The following PSPC1 variants were observed in gnomAD, a reference collection of about 807,000 sequenced individuals.
PSPC1 encodes paraspeckle component 1, also known as paraspeckle protein 1.
A neutral mutation model predicts 51.6 loss-of-function variants in PSPC1; 14 were observed. The observed-to-expected ratio is 0.27, with a 90% confidence interval of 0.18 to 0.42. The LOEUF is 0.42. Ranked by LOEUF, PSPC1 falls within the 10% of genes least tolerant of loss-of-function variation. The pLI is 1.00. For missense variants in PSPC1, 406 were observed against 701.1 expected, an observed-to-expected ratio of 0.58 and a Z score of 4.75; for synonymous variants, 193 against 231.9, an observed-to-expected ratio of 0.83 and a Z score of 1.53.
chr13:19,713,773 A>C (rs927947572), intron 6 of PSPC1, among the ~76,000 whole-genome samples: 5 of 152,194 alleles, frequency 3.3e-5, no homozygotes, highest in African/African-American at 1.2e-4. Flanking sequence ...GCATTCCATC[A>C]TTGCAGCGGT....
chr13:19,694,524 T>G lies in PSPC1; in HGVS notation c.1159-16701A>C, dbSNP rs143857834. Reference sequence around the variant, plus strand: ...GAGAAATTTTACATTCTTTTCTTCGTAAGTCTGCAAATCTAATTCAGATGC... The same window carrying G: ...GAGAAATTTTACATTCTTTTCTTCGGAAGTCTGCAAATCTAATTCAGATGC... On this transcript the variant is annotated intron_variant and NMD_transcript_variant, in intron 6 of 7. Transcript: ENST00000471658. Among the ~76,000 whole-genome samples the G allele has an allele frequency of 3.9e-3, 590 of 152,340 alleles. 4 individuals are homozygous for G. Among genetic ancestry groups the G allele is most frequent in the South Asian group, 8.5e-3 (41 of 4,830 alleles).
intron 4 of PSPC1, among the ~76,000 whole-genome samples, chr13:19,749,209 G>A (rs1886285738): frequency 6.6e-6 from 1 of 152,116 alleles, no homozygotes; most frequent in Admixed American, 6.6e-5. Flanking sequence ...TTAGCCGAGT[G>A]TAGAGGCATA....
rs1184204944 is a variant in PSPC1, at chr13:19,753,283, C to CAA, written c.771-1818_771-1817dup. On this transcript the variant is annotated intron_variant, in intron 3 of 8. Coordinates refer to ENST00000338910, the MANE Select transcript of PSPC1 (RefSeq NM_001354909.2). Reference sequence around the variant, plus strand: ...GGGCAACAAGAGCAAGACTCCATCTCAAAAAAAAAAAAAAAAAAAAGGCTC... The same window carrying CAA: ...GGGCAACAAGAGCAAGACTCCATCTCAAAAAAAAAAAAAAAAAAAAAAGGCTC... 7.4e-3 allele frequency among the ~76,000 whole-genome samples: 475 copies of CAA among 64,284 alleles called. 12 individuals carry two copies. The highest frequency in any genetic ancestry group is 0.036 in the Middle Eastern group (4 of 112). The allele number at this position is 64,284 out of a possible 152,430, so 42.2% of individuals were successfully genotyped here. A position where few individuals can be genotyped will look rare whatever the true frequency, so the allele number is the denominator to read the frequency against.
At chr13:19,717,372 C>A (rs1786786510) in intron 6 of PSPC1, among the ~76,000 whole-genome samples, 1 of 150,872 alleles carries the variant, frequency 6.6e-6, no homozygotes, top group Admixed American at 6.6e-5. Context: ...TAGGGACCAG[C>A]CTGGCCAACA....
downstream of PSPC1, among the ~76,000 whole-genome samples, chr13:19,699,864 A>T (rs990907942): frequency 6.6e-6 from 1 of 152,012 alleles, no homozygotes; most frequent in Non-Finnish European, 1.5e-5. Context: ...CTATCCTCTG[A>T]CACCTCAGAA....
chr13:19,726,142 G>T (rs1883337081), intron 6 of PSPC1, among the ~76,000 whole-genome samples: 1 of 152,064 alleles, frequency 6.6e-6, no homozygotes, highest in Admixed American at 6.6e-5. Flanking sequence ...ACTCCAGCCT[G>T]GGCAACACAG....
At chr13:19,745,296 G>T (rs987562858) in intron 4 of PSPC1, among the ~76,000 whole-genome samples, 1 of 152,128 alleles carries the variant, frequency 6.6e-6, no homozygotes, top group African/African-American at 2.4e-5. Context: ...TCCAGCCTGG[G>T]TGACACAGCA....
chr13:19,761,391 C>T (rs1004887822), intron 2 of PSPC1, among the ~76,000 whole-genome samples: 5 of 152,096 alleles, frequency 3.3e-5, no homozygotes, highest in African/African-American at 1.2e-4. Context: ...CCTTTGAGAT[C>T]GGCTCTTCAC....
At chr13:19,717,669 G>T (rs1452017323) in intron 6 of PSPC1, among the ~76,000 whole-genome samples, 1 of 141,640 alleles carries the variant, frequency 7.1e-6, no homozygotes, top group Non-Finnish European at 1.5e-5. Flanking sequence ...TAACACCACT[G>T]CTCTCTAGCC....
At chr13:19,759,854 T>C (rs1326422482) in intron 2 of PSPC1, among the ~76,000 whole-genome samples, 8 of 83,024 alleles carry the variant, frequency 9.6e-5, no homozygotes, top group African/African-American at 2.5e-4. Flanking sequence ...ACAGCAAGAC[T>C]CCATCACAAA....
intron 6 of PSPC1, among the ~76,000 whole-genome samples, chr13:19,729,878 T>TG (rs1883837109): frequency 6.6e-6 from 1 of 152,230 alleles, no homozygotes; most frequent in Non-Finnish European, 1.5e-5. Flanking sequence ...ACTACAATTC[T>TG]TCTGTACATG....
At chr13:19,686,169 C>G (rs1593524196) in intron 6 of PSPC1, among the ~76,000 whole-genome samples, 1 of 152,300 alleles carries the variant, frequency 6.6e-6, no homozygotes, top group South Asian at 2.1e-4. Flanking sequence ...TAGGCAAAGT[C>G]TCTCCGCTGA....
chr13:19,717,735 C>T (rs1420976406), intron 6 of PSPC1, among the ~76,000 whole-genome samples: 5 of 147,470 alleles, frequency 3.4e-5, no homozygotes, highest in Admixed American at 6.9e-5. Context: ...AAAAGTTAGC[C>T]GGGCATGGTG....
intron 6 of PSPC1, among the ~76,000 whole-genome samples, chr13:19,693,582 T>C (rs1187678600): frequency 6.6e-6 from 1 of 152,234 alleles, no homozygotes; most frequent in African/African-American, 2.4e-5. Context: ...ACAAATGTTT[T>C]AAGAGAAATC....
At chr13:19,698,975 A>G (rs1173262294), downstream of PSPC1, among the ~76,000 whole-genome samples, 1 of 151,904 alleles carries the variant, frequency 6.6e-6, no homozygotes, top group Non-Finnish European at 1.5e-5. Context: ...ATCAAATAGT[A>G]AGTTTCAACA....
rs1883874329 is a variant in PSPC1, at chr13:19,730,228, A to G, written c.1158+11T>C. 1 of 1,602,466 alleles carries G rather than the reference A, an allele frequency of 6.2e-7. No homozygotes were observed. Among genetic ancestry groups the G allele is most frequent in the Non-Finnish European group, 8.5e-7 (1 of 1,169,854 alleles). On this transcript the variant is annotated intron_variant, in intron 6 of 8. Transcript: ENST00000338910. ...TATAAAATCATTTTAGTTAACTAGT[A>G]GTTTACTTACATTTTCCATGTAGTT...
intron 6 of PSPC1, among the ~76,000 whole-genome samples, chr13:19,713,451 C>T (rs572070068): frequency 1.5e-4 from 22 of 144,382 alleles, no homozygotes; most frequent in African/African-American, 5.6e-4. Context: ...CTAACCTATA[C>T]GATTCTACTG....
At chr13:19,748,172 T>C (rs191229957) in intron 4 of PSPC1, among the ~76,000 whole-genome samples, 13 of 151,802 alleles carry the variant, frequency 8.6e-5, no homozygotes, top group Non-Finnish European at 1.5e-5. Flanking sequence ...TGAGCTGAAG[T>C]TGCACCACTG....
chr13:19,711,453 G>A (rs1323160126), intron 6 of PSPC1, among the ~76,000 whole-genome samples: 14 of 151,874 alleles, frequency 9.2e-5, no homozygotes, highest in African/African-American at 2.4e-4. Flanking sequence ...TGGCTAACAC[G>A]GTGAAACCCC....
Sources: gnomAD v4.1 joint callset for allele counts (sites outside exome capture counted in the v4.1 genomes callset) on GRCh38, gnomAD v4.1.1 for gene constraint, MANE v1.5 for transcripts, NCBI Gene and HGNC (gene_info 2026-07-23, HGNC 2026-07-21) for gene names.